Variants in CYYR1 observed in about 807,000 individuals in gnomAD.
CYYR1 encodes cysteine and tyrosine rich 1.
CYYR1 carries 14 observed loss-of-function variants against 15.2 expected under a neutral mutation model. That is an observed-to-expected ratio of 0.92 (90% CI 0.61 to 1.44). The LOEUF is 1.44. CYYR1 is among the 40% of genes most tolerant of loss of function. CYYR1 has a pLI of 0.00. For missense variants in CYYR1, 228 were observed against 209.5 expected, an observed-to-expected ratio of 1.09 and a Z score of -0.54; for synonymous variants, 80 against 77.4, an observed-to-expected ratio of 1.03 and a Z score of -0.18.
intron 2 of CYYR1, among the ~76,000 whole-genome samples, chr21:26,522,132 T>C (rs995248141): frequency 6.6e-6 from 1 of 152,220 alleles, no homozygotes; most frequent in African/African-American, 2.4e-5. Flanking sequence ...AACCACAGTA[T>C]CAGACACTTC....
intron 2 of CYYR1, among the ~76,000 whole-genome samples, chr21:26,506,409 A>G (rs1319136724): frequency 2.0e-5 from 3 of 152,120 alleles, no homozygotes; most frequent in Non-Finnish European, 4.4e-5. Flanking sequence ...TCCCATAAAT[A>G]CTGTTATTTT....
chr21:26,487,237 G>A (rs1175912546), intron 2 of CYYR1, among the ~76,000 whole-genome samples: 1 of 151,934 alleles, frequency 6.6e-6, no homozygotes. Flanking sequence ...TCTGGAAAAA[G>A]TAACCATAGC....
chr21:26,480,573 T>TC, intron 2 of CYYR1, 144 bp from the exon 3 acceptor site: 1 of 845,620 alleles, frequency 1.2e-6, no homozygotes, highest in Non-Finnish European at 1.7e-6. Flanking sequence ...TTCTTTTTTT[T>TC]TTTAAAACCC....
At chr21:26,497,756 A>G (rs200168750) in intron 2 of CYYR1, among the ~76,000 whole-genome samples, 2 of 152,206 alleles carry the variant, frequency 1.3e-5, no homozygotes, top group South Asian at 2.1e-4. Flanking sequence ...ACTAATAATT[A>G]ATTTTTGGGG....
chr21:26,499,311 G>T (rs553634727), intron 2 of CYYR1, among the ~76,000 whole-genome samples: 1 of 152,144 alleles, frequency 6.6e-6, no homozygotes, highest in Admixed American at 6.5e-5. Context: ...AAAAGAGAAG[G>T]CCATGTGACT....
intron 2 of CYYR1, among the ~76,000 whole-genome samples, chr21:26,495,927 C>A (rs1412188036): frequency 6.6e-6 from 1 of 152,182 alleles, no homozygotes; most frequent in Non-Finnish European, 1.5e-5. Flanking sequence ...CTTCCAAGGA[C>A]TTGGGCGTGG....
chr21:26,538,306 G>T (rs762731457), intron 2 of CYYR1, among the ~76,000 whole-genome samples: 2 of 152,064 alleles, frequency 1.3e-5, no homozygotes, highest in East Asian at 1.9e-4. Flanking sequence ...TGAGTTTTTC[G>T]TCTACTTTCT....
intron 2 of CYYR1, among the ~76,000 whole-genome samples, chr21:26,508,191 A>T (rs764618429): frequency 2.4e-4 from 37 of 152,214 alleles, no homozygotes; most frequent in Non-Finnish European, 1.2e-4. Flanking sequence ...TTGGAAAACA[A>T]CAAGCGGCTT....
intron 2 of CYYR1, among the ~76,000 whole-genome samples, chr21:26,511,245 A>G (rs1183853713): frequency 6.6e-6 from 1 of 152,262 alleles, no homozygotes; most frequent in Non-Finnish European, 1.5e-5. Flanking sequence ...ATACACACAT[A>G]CTAAATATTA....
rs1218242349 is a variant in CYYR1 at position 26,466,602 on chromosome 21, T to C, written c.*1899A>G. The C allele has an allele frequency of 6.6e-6, 1 of 152,196 alleles. No homozygotes were observed. The highest frequency in any genetic ancestry group is 1.5e-5 in the Non-Finnish European group (1 of 68,028). The allele number at this position is 152,196 out of a possible 1,614,324, so 9.4% of individuals were successfully genotyped here. On this transcript the variant is annotated 3_prime_UTR_variant, in exon 4 of 4. Coordinates refer to ENST00000652641, the MANE Select transcript of CYYR1 (RefSeq NM_001320768.2). ...GGTGAAGATGAGAAAACCCTATTTC[T>C]GCTGATCTTTCCTTTCCGTTTTCCT...
intron 2 of CYYR1, among the ~76,000 whole-genome samples, chr21:26,501,100 G>A (rs1332875715): frequency 6.6e-6 from 1 of 152,178 alleles, no homozygotes; most frequent in African/African-American, 2.4e-5. Context: ...AGCACTTTGG[G>A]AGGCCAAGGC....
intron 2 of CYYR1, among the ~76,000 whole-genome samples, chr21:26,558,830 T>C (rs1979990017): frequency 6.6e-6 from 1 of 152,216 alleles, no homozygotes; most frequent in South Asian, 2.1e-4. Context: ...GTTATTTTAA[T>C]TGCTGTATCC....
At chr21:26,564,341 G>T (rs1980458021) in intron 2 of CYYR1, among the ~76,000 whole-genome samples, 1 of 152,148 alleles carries the variant, frequency 6.6e-6, no homozygotes, top group African/African-American at 2.4e-5. Flanking sequence ...TGTTTAGCAT[G>T]ATATTTACTC....
intron 2 of CYYR1, among the ~76,000 whole-genome samples, chr21:26,488,103 T>C (rs1487618406): frequency 6.6e-6 from 1 of 152,150 alleles, no homozygotes; most frequent in East Asian, 1.9e-4. Context: ...AATATCTCTT[T>C]GAATGAATAA....
intron 2 of CYYR1, among the ~76,000 whole-genome samples, chr21:26,506,412 G>A (rs1383470642): frequency 6.6e-6 from 1 of 152,104 alleles, no homozygotes; most frequent in Non-Finnish European, 1.5e-5. Context: ...CATAAATACT[G>A]TTATTTTTGA....
chr21:26,532,914 T>G (rs567179139), intron 2 of CYYR1, among the ~76,000 whole-genome samples: 5 of 152,242 alleles, frequency 3.3e-5, no homozygotes, highest in African/African-American at 9.6e-5. Flanking sequence ...TATAAAATTA[T>G]CTTTATGTTA....
At chr21:26,516,841 C>T (rs1230557031) in intron 2 of CYYR1, among the ~76,000 whole-genome samples, 1 of 151,952 alleles carries the variant, frequency 6.6e-6, no homozygotes, top group African/African-American at 2.4e-5. Context: ...GGGGGCCGGG[C>T]GCGGTGGCTC....
At chr21:26,569,586 AAAATT>A (rs1245358769) in intron 1 of CYYR1, among the ~76,000 whole-genome samples, 5 of 152,216 alleles carry the variant, frequency 3.3e-5, no homozygotes, top group African/African-American at 1.2e-4. Flanking sequence ...CCCTGAGTCT[AAAATT>A]AAAGAAGTTG....
intron 2 of CYYR1, chr21:26,551,448 A>G (rs1979382557): frequency 6.6e-6 from 1 of 152,584 alleles, no homozygotes; most frequent in South Asian, 2.1e-4. Flanking sequence ...AAACCTAGAA[A>G]AGAGTCACCA....
Sources: allele counts gnomAD v4.1 joint callset (sites outside exome capture counted in the v4.1 genomes callset), GRCh38; gene constraint gnomAD v4.1.1; transcripts MANE v1.5; gene names NCBI Gene and HGNC (gene_info 2026-07-23, HGNC 2026-07-21).